The following STK17A variants were observed in gnomAD, a reference collection of about 807,000 sequenced individuals.
STK17A encodes the protein serine/threonine-protein kinase 17A.
STK17A carries 26 observed loss-of-function variants against 43.7 expected under a neutral mutation model. That is an observed-to-expected ratio of 0.60 (90% CI 0.44 to 0.83). The LOEUF (loss-of-function observed/expected upper bound fraction) is 0.83. STK17A is among the 40% of genes least tolerant of loss of function. The probability of loss-of-function intolerance (pLI) is 0.00; values close to 1 mark genes in which losing one functional copy is unlikely to be tolerated. For synonymous variants in STK17A, 191 were observed against 182.5 expected (o/e 1.05, Z -0.38); for missense variants, 476 against 511.6 (o/e 0.93, Z 0.67).
At chr7:43,623,971 G>C in intron 6 of STK17A, 83 bp downstream of exon 6, 6 of 1,015,188 alleles carry the variant, frequency 5.9e-6, no homozygotes, top group Non-Finnish European at 7.8e-6. Context: ...GTTTTTTCTT[G>C]AATCTCCTCC....
At chr7:43,611,556 G>C (rs10231343) in intron 3 of STK17A, among the ~76,000 whole-genome samples, 25,162 of 152,012 alleles carry the variant, frequency 0.17, 2,411 homozygotes, top group Non-Finnish European at 0.21. Context: ...CCCCTTCAGT[G>C]TGTCATATGC....
intron 3 of STK17A, among the ~76,000 whole-genome samples, chr7:43,613,224 T>C (rs577985248): frequency 6.6e-6 from 1 of 152,254 alleles, no homozygotes; most frequent in Non-Finnish European, 1.5e-5. Flanking sequence ...AGGTTGAAAA[T>C]ATTCAGGGTG....
At chr7:43,606,801 C>G (rs2082594796) in intron 2 of STK17A, among the ~76,000 whole-genome samples, 1 of 151,574 alleles carries the variant, frequency 6.6e-6, no homozygotes. Flanking sequence ...TGAGTAAAAT[C>G]CACAGTTAAA....
intron 2 of STK17A, 45 bp from the exon 3 acceptor site, chr7:43,608,211 C>T: frequency 6.4e-7 from 1 of 1,558,558 alleles, no homozygotes; most frequent in Non-Finnish European, 8.7e-7. Context: ...AAGTGTTCGC[C>T]ATTTCTTATG....
At chr7:43,614,217 G>A (rs2083138274) in intron 3 of STK17A, among the ~76,000 whole-genome samples, 1 of 152,116 alleles carries the variant, frequency 6.6e-6, no homozygotes, top group Admixed American at 6.5e-5. Context: ...GTACAAAGAT[G>A]AAGATACCGA....
intron 3 of STK17A, among the ~76,000 whole-genome samples, chr7:43,615,704 T>C (rs1056737001): frequency 6.6e-6 from 1 of 152,062 alleles, no homozygotes; most frequent in Non-Finnish European, 1.5e-5. Context: ...CTCCCACCAC[T>C]CGTACCCCTT....
At chr7:43,611,022 C>G (rs552266220) in intron 3 of STK17A, among the ~76,000 whole-genome samples, 71 of 151,930 alleles carry the variant, frequency 4.7e-4, no homozygotes, top group African/African-American at 1.6e-3. Context: ...GAGGCTGAGG[C>G]AGGAGAATCG....
chr7:43,608,608 T>C, intron 3 of STK17A: 2 of 439,434 alleles, frequency 4.6e-6, no homozygotes, highest in Non-Finnish European at 3.9e-6. Flanking sequence ...TACAAAATAA[T>C]ACAATGCCAA....
intron 2 of STK17A, among the ~76,000 whole-genome samples, chr7:43,605,140 T>C (rs1194756992): frequency 6.6e-6 from 1 of 152,212 alleles, no homozygotes; most frequent in Non-Finnish European, 1.5e-5. Flanking sequence ...AATTCCATCA[T>C]CTCTGTCATT....
chr7:43,615,279 G>A (rs2083242193), intron 3 of STK17A, among the ~76,000 whole-genome samples: 1 of 152,120 alleles, frequency 6.6e-6, no homozygotes, highest in Non-Finnish European at 1.5e-5. Flanking sequence ...AGGCTCAAGT[G>A]ATCCTCCCAC....
At position 43,583,273 on chromosome 7, in the gene STK17A, C is replaced by T. The variant is rs749578553; in HGVS notation, c.30C>T (p.Gly10=). ...TCCCTTTGGAGAAGCCAGGCAGCGGCGGCTCCTCCCCAGGCGCCACCTCAG... is the reference window on the plus strand; with the variant it reads ...TCCCTTTGGAGAAGCCAGGCAGCGGTGGCTCCTCCCCAGGCGCCACCTCAG... MIPLEKPGS[G]GSSPGATSGS... The change falls in exon 1 of 7, where the codon GGC becomes GGT. Residue 10 remains glycine, a synonymous_variant. Transcript: ENST00000319357. 2.6e-6 allele frequency: 4 copies of T among 1,544,278 alleles called. No homozygotes were observed. Among genetic ancestry groups the T allele is most frequent in the Admixed American group, 2.0e-5 (1 of 50,664 alleles).
intron 3 of STK17A, among the ~76,000 whole-genome samples, chr7:43,616,619 C>T (rs115657991): frequency 0.011 from 1,684 of 152,260 alleles, 28 homozygotes; most frequent in African/African-American, 0.037. Context: ...ACCGTCTGGC[C>T]GGGCGCGGTG....
At chr7:43,611,248 A>G (rs919791569) in intron 3 of STK17A, among the ~76,000 whole-genome samples, 3 of 152,208 alleles carry the variant, frequency 2.0e-5, no homozygotes, top group African/African-American at 7.2e-5. Context: ...AGAAAAATTT[A>G]CTCGTTTCCT....
At chr7:43,609,929 A>G (rs1233390601) in intron 3 of STK17A, among the ~76,000 whole-genome samples, 2 of 152,250 alleles carry the variant, frequency 1.3e-5, no homozygotes, top group East Asian at 1.9e-4. Context: ...TGACCCAGAC[A>G]TGAATCAGAA....
At chr7:43,612,280 GAGT>G (rs1563154278) in intron 3 of STK17A, among the ~76,000 whole-genome samples, 19 of 152,268 alleles carry the variant, frequency 1.2e-4, no homozygotes, top group Admixed American at 1.1e-3. Flanking sequence ...ACATGTCTCT[GAGT>G]CAACTACTGG....
intron 3 of STK17A, among the ~76,000 whole-genome samples, chr7:43,616,057 G>A (rs2083312026): frequency 6.6e-6 from 1 of 152,180 alleles, no homozygotes; most frequent in South Asian, 2.1e-4. Flanking sequence ...GAGGACTGGT[G>A]TCTTGTTTTC....
Position 43,596,025 on chromosome 7 carries a change from G to C in STK17A, c.331G>C (p.Val111Leu). 1 of 1,613,904 alleles carries C rather than the reference G, an allele frequency of 6.2e-7. No homozygotes were observed. The highest frequency in any genetic ancestry group is 8.5e-7 in the Non-Finnish European group (1 of 1,179,916). The change falls in exon 2 of 7, where the codon GTA (valine) becomes CTA (leucine). Residue 111 changes from valine to leucine, a missense_variant. Val to Leu is a conservative substitution (Grantham distance 32). Transcript: ENST00000319357. ...CRMEIIHEIA[V>L]LELAQDNPWV... is the part of the protein sequence containing the mutation. Reference sequence around the variant, plus strand: ...GATGGAAATAATTCATGAGATTGCTGTACTTGAACTAGCACAAGACAATCC... The same window carrying C: ...GATGGAAATAATTCATGAGATTGCTCTACTTGAACTAGCACAAGACAATCC...
At chr7:43,592,687 T>TAAAAAAAA (rs34551277) in intron 1 of STK17A, among the ~76,000 whole-genome samples, 1 of 109,518 alleles carries the variant, frequency 9.1e-6, no homozygotes, top group Non-Finnish European at 1.9e-5. Flanking sequence ...CCATCTGTAC[T>TAAAAAAAA]AAAAAAAAAA....
At chr7:43,619,748 G>T (rs2153006291) in intron 4 of STK17A, 25 bp downstream of exon 4, 2 of 1,610,990 alleles carry the variant, frequency 1.2e-6, no homozygotes, top group East Asian at 4.5e-5. Context: ...AAGTAGTTTT[G>T]TTCTGGGGTC....
Sources: allele counts gnomAD v4.1 joint callset (sites outside exome capture counted in the v4.1 genomes callset), GRCh38; gene constraint gnomAD v4.1.1; transcripts MANE v1.5; gene names NCBI Gene and HGNC (gene_info 2026-07-23, HGNC 2026-07-21).